The following MPP7 variants were observed in gnomAD, a reference collection of about 807,000 sequenced individuals.
MPP7 encodes MAGUK p55 subfamily member 7.
MPP7 carries 60 observed loss-of-function variants against 76.5 expected under a neutral mutation model. The ratio of observed to expected loss-of-function variants is 0.78; its 90% confidence interval spans 0.64 to 0.97. MPP7 has a LOEUF of 0.97. Ranked by LOEUF, MPP7 falls within the 50% of genes least tolerant of loss-of-function variation. The pLI is 0.00. For synonymous variants in MPP7, 237 were observed against 244.5 expected, an observed-to-expected ratio of 0.97 and a Z score of 0.29; for missense variants, 641 against 694.0, an observed-to-expected ratio of 0.92 and a Z score of 0.86.
At chr10:28,075,820 G>C (rs1852457647) in intron 12 of MPP7, among the ~76,000 whole-genome samples, 1 of 152,252 alleles carries the variant, frequency 6.6e-6, no homozygotes, top group South Asian at 2.1e-4. Flanking sequence ...CATTGTACTT[G>C]CCTGCTTCCT....
chr10:28,107,503 T>G (rs1474189115), intron 11 of MPP7, among the ~76,000 whole-genome samples: 1 of 152,118 alleles, frequency 6.6e-6, no homozygotes, highest in African/African-American at 2.4e-5. Context: ...CCTCCCTGTA[T>G]CCAAGCTCTC....
intron 2 of MPP7, among the ~76,000 whole-genome samples, chr10:28,207,470 T>C (rs1327988515): frequency 4.6e-5 from 7 of 151,956 alleles, no homozygotes; most frequent in South Asian, 4.2e-4. Context: ...GGCAGAAGGA[T>C]TGCTTGAGTT....
rs551221962 is a variant in MPP7, at chr10:28,209,954, A to G, written c.38-7683T>C. Among the ~76,000 whole-genome samples, 11 of 152,324 alleles carry G rather than the reference A, an allele frequency of 7.2e-5. No homozygotes were observed. In the South Asian group the frequency reaches 8.3e-4, roughly 11 times the overall value. ...ATCAGCCAATCTCACTGAGAGTCCA[A>G]ATAGATCCAAAAGGCAGAGGAAGGG... On this transcript the variant is annotated intron_variant, in intron 2 of 16. Transcript: ENST00000683449.
chr10:28,240,386 G>A (rs1229783042), intron 1 of MPP7, among the ~76,000 whole-genome samples: 8 of 151,982 alleles, frequency 5.3e-5, no homozygotes, highest in Non-Finnish European at 1.0e-4. Context: ...TTCTAAATTT[G>A]CTTTTTAATT....
chr10:28,325,837 A>G (rs1009640188), intron 2 of MPP7, among the ~76,000 whole-genome samples: 1 of 152,064 alleles, frequency 6.6e-6, no homozygotes, highest in Non-Finnish European at 1.5e-5. Flanking sequence ...TGGCCCAGGT[A>G]TGGTGGTGAA....
rs111552708 is a variant in MPP7 at position 28,073,043 on chromosome 10, G to C, written c.1124-3191C>G. On this transcript the variant is annotated intron_variant, in intron 12 of 16. Coordinates refer to ENST00000683449, the MANE Select transcript of MPP7 (RefSeq NM_001318170.2). ...AACATCACGCATTCCTGGTCTCCAC[G>C]CATAAACCAGGACCTTCATGTGCTC... Among the ~76,000 whole-genome samples the C allele has an allele frequency of 2.5e-3, 382 of 152,166 alleles. 12 individuals carry two copies. Among genetic ancestry groups the C allele is most frequent in the Admixed American group, 0.022 (339 of 15,276 alleles).
chr10:28,137,744 T>A (rs2133708470), intron 5 of MPP7, among the ~76,000 whole-genome samples: 1 of 152,310 alleles, frequency 6.6e-6, no homozygotes, highest in South Asian at 2.1e-4. Flanking sequence ...AAAAAGGCAA[T>A]ACTTAAATGG....
chr10:28,204,500 C>A (rs933291758), intron 2 of MPP7, among the ~76,000 whole-genome samples: 1 of 147,868 alleles, frequency 6.8e-6, no homozygotes, highest in Non-Finnish European at 1.5e-5. Context: ...GAGACACACA[C>A]AAATAAGTGC....
chr10:28,100,553 T>C (rs1192823541), intron 11 of MPP7, among the ~76,000 whole-genome samples: 1 of 152,192 alleles, frequency 6.6e-6, no homozygotes, highest in Non-Finnish European at 1.5e-5. Context: ...TCATGGATTA[T>C]ATTAGCCAAT....
intron 3 of MPP7, among the ~76,000 whole-genome samples, chr10:28,160,607 T>C (rs893450407): frequency 1.4e-3 from 212 of 152,320 alleles, no homozygotes; most frequent in African/African-American, 5.0e-3. Context: ...AAGCCACACC[T>C]TGAGAACCAC....
intron 12 of MPP7, among the ~76,000 whole-genome samples, chr10:28,074,054 A>C (rs984664825): frequency 6.6e-6 from 1 of 152,086 alleles, no homozygotes; most frequent in Non-Finnish European, 1.5e-5. Flanking sequence ...TGTATCACCC[A>C]CCAGATAGAG....
At position 28,302,860 on chromosome 10, in the gene MPP7, C is replaced by T. The variant is rs1841198011; in HGVS notation, c.-132+1G>A. ...GGCGCTCCCCAGAGGCGCCCCATTA[C>T]CTGCTCTGGGCTGCCGCGGTCCGCG... On this transcript the variant is annotated splice_donor_variant, in intron 1 of 16. Coordinates refer to ENST00000683449, the MANE Select transcript of MPP7 (RefSeq NM_001318170.2). LOFTEE classifies it low-confidence loss of function (5UTR_SPLICE). Among the ~76,000 whole-genome samples, 1 of 152,128 alleles carries T rather than the reference C, an allele frequency of 6.6e-6. No homozygotes were observed. The highest frequency in any genetic ancestry group is 6.5e-5 in the Admixed American group (1 of 15,278).
chr10:28,239,472 T>C (rs1038194645), intron 1 of MPP7, among the ~76,000 whole-genome samples: 2 of 152,094 alleles, frequency 1.3e-5, no homozygotes, highest in Non-Finnish European at 1.5e-5. Context: ...AAATAGCTCA[T>C]CCTAATATGA....
intron 11 of MPP7, among the ~76,000 whole-genome samples, chr10:28,113,499 C>T (rs768685958): frequency 1.8e-4 from 28 of 152,026 alleles, no homozygotes; most frequent in South Asian, 2.1e-4. Flanking sequence ...AGGAATAAAC[C>T]GGAAACAGGT....
intron 6 of MPP7, among the ~76,000 whole-genome samples, chr10:28,126,442 T>C (rs1835020160): frequency 6.6e-6 from 1 of 152,208 alleles, no homozygotes; most frequent in Non-Finnish European, 1.5e-5. Context: ...GTAATCTAAG[T>C]TTACTTATCC....
chr10:28,259,817 C>CA (rs1839894274), intron 1 of MPP7, among the ~76,000 whole-genome samples: 1 of 151,596 alleles, frequency 6.6e-6, no homozygotes, highest in South Asian at 2.1e-4. Flanking sequence ...CCCATCTCTA[C>CA]AAAAAAATAC....
In MPP7 at chr10:28,104,575, T is replaced by C. The variant is rs566453524; in HGVS notation, c.953-14734A>G. Among the ~76,000 whole-genome samples the C allele has an allele frequency of 5.9e-5, 9 of 152,336 alleles. No homozygotes were observed. In the South Asian group the frequency reaches 1.9e-3, roughly 32 times the overall value. On this transcript the variant is annotated intron_variant, in intron 11 of 16. Coordinates refer to ENST00000683449, the MANE Select transcript of MPP7 (RefSeq NM_001318170.2). ...AGCTATTTGTAACAAAGTAACTTTT[T>C]AGCAATATATTCTTTTTTAAATGAG...
chr10:28,229,142 T>A (rs1838794664), intron 2 of MPP7, among the ~76,000 whole-genome samples: 1 of 152,186 alleles, frequency 6.6e-6, no homozygotes. Context: ...GCCAAATGAA[T>A]TCTGGATAAG....
chr10:28,229,895 A>AAAAAC (rs1554854432), intron 2 of MPP7, among the ~76,000 whole-genome samples: 3 of 150,264 alleles, frequency 2.0e-5, no homozygotes, highest in Non-Finnish European at 3.0e-5. Context: ...TCTCAAAAAA[A>AAAAAC]AAAAACAAAA....
Sources: gnomAD v4.1 joint callset for allele counts (sites outside exome capture counted in the v4.1 genomes callset) on GRCh38, gnomAD v4.1.1 for gene constraint, MANE v1.5 for transcripts, NCBI Gene and HGNC (gene_info 2026-07-23, HGNC 2026-07-21) for gene names.